Variants in NME7 observed in about 807,000 individuals in gnomAD.
The protein encoded by NME7 is nucleoside diphosphate kinase 7.
A neutral mutation model predicts 49.1 loss-of-function variants in NME7; 41 were observed. That is an observed-to-expected ratio of 0.83 (90% CI 0.65 to 1.08). NME7 has a LOEUF of 1.08. NME7 is among the 50% of genes least tolerant of loss of function. NME7 has a pLI of 0.00. For missense variants in NME7, 423 were observed against 463.4 expected, an observed-to-expected ratio of 0.91 and a Z score of 0.80; for synonymous variants, 139 against 150.6, an observed-to-expected ratio of 0.92 and a Z score of 0.56.
At chr1:169,312,996 T>C (rs1651457701) in intron 3 of NME7, among the ~76,000 whole-genome samples, 2 of 152,176 alleles carry the variant, frequency 1.3e-5, no homozygotes, top group Admixed American at 1.3e-4. Flanking sequence ...ATAAAGTGTA[T>C]ATCTGCCCCA....
At position 169,190,881 on chromosome 1, in the gene NME7, C is replaced by T. The variant is rs1261624859; in HGVS notation, c.991-21327G>A. Among the ~76,000 whole-genome samples, 5 of 99,244 alleles carry T rather than the reference C, an allele frequency of 5.0e-5. 1 individual carries two copies. The highest frequency in any genetic ancestry group is 3.4e-4 in the South Asian group (1 of 2,906). The allele number at this position is 99,244 out of a possible 152,430, so 65.1% of individuals were successfully genotyped here. The stretch of plus-strand genomic sequence containing the variant: ...AGGCTGGAGTGCAGTGGCGGGATCT[C>T]GGCTCACTGCAAGCTCCGCCTCCCG... On this transcript the variant is annotated intron_variant, in intron 10 of 11. Transcript: ENST00000367811.
chr1:169,184,513 C>T (rs1429138596), intron 10 of NME7, among the ~76,000 whole-genome samples: 1 of 152,152 alleles, frequency 6.6e-6, no homozygotes, highest in Non-Finnish European at 1.5e-5. Flanking sequence ...AGTTTTTCTT[C>T]TTCAGTTTCT....
rs193181621 is a variant in NME7, at chr1:169,229,779, G to C, written c.990+939C>G. 6.4e-4 allele frequency among the ~76,000 whole-genome samples: 97 copies of C among 152,148 alleles called. 3 individuals carry two copies. The highest frequency in any genetic ancestry group is 6.3e-3 in the Admixed American group (97 of 15,284). ...AGTTCAAGACCAGCCTGGCCAACAG[G>C]ATAAAACCCTGTCTCTACTAAAAAT... On this transcript the variant is annotated intron_variant, in intron 10 of 11. Coordinates refer to ENST00000367811, the MANE Select transcript of NME7 (RefSeq NM_013330.5).
chr1:169,178,221 C>G (rs1183427753), intron 10 of NME7, among the ~76,000 whole-genome samples: 1 of 152,154 alleles, frequency 6.6e-6, no homozygotes, highest in Non-Finnish European at 1.5e-5. Flanking sequence ...CAGAGTGACT[C>G]TCTCAACTCT....
At chr1:169,279,025 G>C (rs996259287) in intron 7 of NME7, among the ~76,000 whole-genome samples, 1 of 152,202 alleles carries the variant, frequency 6.6e-6, no homozygotes, top group African/African-American at 2.4e-5. Flanking sequence ...GAATGCTGCT[G>C]ACTGATTGTT....
intron 11 of NME7, among the ~76,000 whole-genome samples, chr1:169,165,101 A>AC (rs1303444863): frequency 2.6e-5 from 3 of 115,664 alleles, no homozygotes; most frequent in African/African-American, 8.6e-5. Context: ...TGTCTCATAA[A>AC]TACCATAATT....
chr1:169,316,500 T>C (rs1651632756), intron 3 of NME7, among the ~76,000 whole-genome samples: 1 of 152,174 alleles, frequency 6.6e-6, no homozygotes, highest in Non-Finnish European at 1.5e-5. Context: ...TATAAATATA[T>C]TACCTCACCT....
At chr1:169,187,661 G>A (rs143507746) in intron 10 of NME7, among the ~76,000 whole-genome samples, 2,206 of 152,102 alleles carry the variant, frequency 0.015, 48 homozygotes, top group African/African-American at 0.048. Flanking sequence ...TGTGAGATGG[G>A]TCTCCTGAAT....
At chr1:169,192,374 C>G (rs1176979880) in intron 10 of NME7, among the ~76,000 whole-genome samples, 1 of 152,178 alleles carries the variant, frequency 6.6e-6, no homozygotes, top group Non-Finnish European at 1.5e-5. Flanking sequence ...AGAACATATA[C>G]AAACTTTTTT....
intron 11 of NME7, among the ~76,000 whole-genome samples, chr1:169,144,415 TG>T (rs927387062): frequency 6.6e-5 from 10 of 152,182 alleles, no homozygotes; most frequent in African/African-American, 2.4e-4. Flanking sequence ...TTCTATGTTT[TG>T]TTTTTTTTAA....
At chr1:169,308,302 C>T (rs1651258671) in intron 4 of NME7, among the ~76,000 whole-genome samples, 1 of 152,144 alleles carries the variant, frequency 6.6e-6, no homozygotes, top group South Asian at 2.1e-4. Flanking sequence ...TCTACTGCTC[C>T]CCATTGTCCC....
chr1:169,303,231 A>G, intron 4 of NME7, 36 bp from the exon 5 acceptor site: 2 of 1,151,884 alleles, frequency 1.7e-6, no homozygotes, highest in Non-Finnish European at 2.5e-6. Context: ...GTTAAGAATT[A>G]TAAAATTAAA....
intron 10 of NME7, among the ~76,000 whole-genome samples, chr1:169,212,817 C>T (rs1209050643): frequency 6.6e-6 from 1 of 151,936 alleles, no homozygotes; most frequent in East Asian, 1.9e-4. Context: ...TTTTTAGAGA[C>T]AGGGTCTCAC....
intron 5 of NME7, among the ~76,000 whole-genome samples, chr1:169,301,368 A>G (rs1452462052): frequency 1.3e-5 from 2 of 152,172 alleles, no homozygotes; most frequent in Non-Finnish European, 2.9e-5. Context: ...CAAAACCACA[A>G]TGAGATACCA....
rs929262597 is a variant in NME7 at position 169,321,527 on chromosome 1, T to C, written c.278+1590A>G. On this transcript the variant is annotated intron_variant, in intron 3 of 11. Coordinates refer to ENST00000367811, the MANE Select transcript of NME7 (RefSeq NM_013330.5). The stretch of plus-strand genomic sequence containing the variant: ...TGGCATTTCTTTAATCCCAAAGACT[T>C]TTACATAAGATCTCATAACATTAAA... Among the ~76,000 whole-genome samples, 3 of 152,170 alleles carry C rather than the reference T, an allele frequency of 2.0e-5. No individual in the cohort carries two copies. In the East Asian group the frequency reaches 5.8e-4, roughly 29 times the overall value.
At chr1:169,297,796 T>A (rs1372572144) in intron 6 of NME7, among the ~76,000 whole-genome samples, 1 of 152,060 alleles carries the variant, frequency 6.6e-6, no homozygotes, top group Non-Finnish European at 1.5e-5. Flanking sequence ...ATTAATTGAG[T>A]GTAAGAAAAG....
intron 6 of NME7, among the ~76,000 whole-genome samples, chr1:169,296,332 C>T (rs1650705158): frequency 1.3e-5 from 2 of 152,282 alleles, no homozygotes; most frequent in East Asian, 1.9e-4. Flanking sequence ...TTCTTACTTG[C>T]CTTATTTGAC....
At chr1:169,263,029 G>T (rs1649211203) in intron 7 of NME7, among the ~76,000 whole-genome samples, 1 of 132,614 alleles carries the variant, frequency 7.5e-6, no homozygotes, top group Non-Finnish European at 1.8e-5. Context: ...ATTGAAGCCA[G>T]ACAACCAAAC....
At chr1:169,150,414 C>T (rs1290020122) in intron 11 of NME7, among the ~76,000 whole-genome samples, 2 of 151,870 alleles carry the variant, frequency 1.3e-5, no homozygotes, top group Non-Finnish European at 2.9e-5. Context: ...TTTCAAGGGC[C>T]CTTGCTAACC....
Sources: allele counts gnomAD v4.1 joint callset (sites outside exome capture counted in the v4.1 genomes callset), GRCh38; gene constraint gnomAD v4.1.1; transcripts MANE v1.5; gene names NCBI Gene and HGNC (gene_info 2026-07-23, HGNC 2026-07-21).